Variants in TMEM123 observed in about 807,000 individuals in gnomAD.
The protein encoded by TMEM123 is porimin.
A neutral mutation model predicts 19.7 loss-of-function variants in TMEM123; 16 were observed. The observed-to-expected ratio is 0.81, with a 90% CI of 0.55 to 1.23. The LOEUF is 1.23. TMEM123 is among the 50% of genes most tolerant of loss of function. The pLI is 0.00. For synonymous variants in TMEM123, 118 were observed against 99.4 expected (o/e 1.19, Z -1.12); for missense variants, 313 against 257.8 (o/e 1.21, Z -1.47).
intron 2 of TMEM123, among the ~76,000 whole-genome samples, chr11:102,406,824 T>C (rs556761378): frequency 6.6e-6 from 1 of 150,442 alleles, no homozygotes; most frequent in East Asian, 2.0e-4. Flanking sequence ...TGAGCTGAGA[T>C]TGCGCCACTG....
At chr11:102,445,443 A>C (rs191032368) in intron 2 of TMEM123, among the ~76,000 whole-genome samples, 25 of 152,356 alleles carry the variant, frequency 1.6e-4, no homozygotes, top group Non-Finnish European at 3.1e-4. Context: ...CAACTAAAGC[A>C]ACCTGTCAGG....
chr11:102,450,147 T>C (rs1857923612), intron 1 of TMEM123, among the ~76,000 whole-genome samples: 1 of 152,198 alleles, frequency 6.6e-6, no homozygotes, highest in Non-Finnish European at 1.5e-5. Context: ...TTATCTCCAT[T>C]GCCACTCACC....
chr11:102,413,237 A>G (rs1250036934), intron 2 of TMEM123, among the ~76,000 whole-genome samples: 1 of 152,250 alleles, frequency 6.6e-6, no homozygotes, highest in Non-Finnish European at 1.5e-5. Context: ...TGAGACTTAT[A>G]CTTCAGAAGT....
intron 2 of TMEM123, among the ~76,000 whole-genome samples, chr11:102,407,611 A>G (rs552862040): frequency 1.3e-5 from 2 of 152,352 alleles, no homozygotes; most frequent in African/African-American, 4.8e-5. Flanking sequence ...TGACCTTATT[A>G]AAAGTGAAAA....
chr11:102,436,901 G>A (rs1857768630), intron 2 of TMEM123, among the ~76,000 whole-genome samples: 1 of 152,228 alleles, frequency 6.6e-6, no homozygotes, highest in Admixed American at 6.5e-5. Context: ...TGAACCCACT[G>A]TGAGCCAGAT....
intron 2 of TMEM123, among the ~76,000 whole-genome samples, chr11:102,432,282 G>C (rs754556474): frequency 6.6e-6 from 1 of 152,212 alleles, no homozygotes; most frequent in Non-Finnish European, 1.5e-5. Context: ...GAACTTCCTA[G>C]AGACTTGTTG....
chr11:102,440,755 T>G (rs893059898), intron 2 of TMEM123, among the ~76,000 whole-genome samples: 1 of 152,102 alleles, frequency 6.6e-6, no homozygotes. Flanking sequence ...GACTGGCAAA[T>G]TGGATAAAGA....
chr11:102,428,321 A>C (rs1266595494), intron 2 of TMEM123, among the ~76,000 whole-genome samples: 1 of 152,040 alleles, frequency 6.6e-6, no homozygotes, highest in East Asian at 1.9e-4. Context: ...TATTTTTTTG[A>C]GATGGAGTCT....
chr11:102,412,548 A>C (rs1952014135), intron 2 of TMEM123, among the ~76,000 whole-genome samples: 1 of 152,218 alleles, frequency 6.6e-6, no homozygotes, highest in Admixed American at 6.5e-5. Flanking sequence ...AAAGTATTGA[A>C]AGTAAGAGTA....
At chr11:102,449,498 A>G (rs1857917091) in intron 1 of TMEM123, 1 of 152,230 alleles carries the variant, frequency 6.6e-6, no homozygotes, top group Non-Finnish European at 1.5e-5. Flanking sequence ...ACACATAGGG[A>G]GAGAGCAAGT....
intron 2 of TMEM123, among the ~76,000 whole-genome samples, chr11:102,426,394 G>T (rs570414938): frequency 4.9e-4 from 75 of 151,772 alleles, no homozygotes; most frequent in African/African-American, 1.7e-3. Context: ...GAAGGGAGCC[G>T]ATGCAGACAG....
chr11:102,414,375 C>A (rs1186848265), intron 2 of TMEM123, among the ~76,000 whole-genome samples: 1 of 152,098 alleles, frequency 6.6e-6, no homozygotes, highest in Non-Finnish European at 1.5e-5. Flanking sequence ...CCATACAAGA[C>A]AACCATCCCC....
chr11:102,402,707 G>A (rs1395870422), intron 2 of TMEM123, among the ~76,000 whole-genome samples: 1 of 152,350 alleles, frequency 6.6e-6, no homozygotes, highest in Middle Eastern at 3.4e-3. Context: ...AAGTCCAAGT[G>A]AGTTATTTTT....
Position 102,397,414 on chromosome 11 carries a change from G to T in TMEM123, c.*1453C>A, listed in dbSNP as rs1591551087. 1 of 152,134 alleles carries T rather than the reference G, an allele frequency of 6.6e-6. No individual in the cohort carries two copies. The highest frequency in any genetic ancestry group is 1.5e-5 in the Non-Finnish European group (1 of 68,008). 9.4% of individuals were successfully genotyped at this position (152,134 alleles called of 1,614,324 possible). A position where few individuals can be genotyped will look rare whatever the true frequency, so the allele number is the denominator to read the frequency against. On this transcript the variant is annotated 3_prime_UTR_variant, in exon 5 of 5. Coordinates refer to ENST00000398136, the MANE Select transcript of TMEM123 (RefSeq NM_052932.3). ...CCTCTGAGATAGAAATGCCATCTTA[G>T]TATTTACTGTGACTACATACCTCTT... is the stretch of plus-strand genomic sequence containing the variant.
intron 2 of TMEM123, among the ~76,000 whole-genome samples, chr11:102,403,096 C>G (rs998538466): frequency 1.3e-5 from 2 of 151,906 alleles, no homozygotes; most frequent in Non-Finnish European, 1.5e-5. Flanking sequence ...ATGCAACCTC[C>G]GCCTCCTGGG....
chr11:102,431,483 G>T (rs1158906653), intron 2 of TMEM123, among the ~76,000 whole-genome samples: 1 of 152,092 alleles, frequency 6.6e-6, no homozygotes, highest in Non-Finnish European at 1.5e-5. Flanking sequence ...AATAGAACTA[G>T]AAAAAAGAAA....
At chr11:102,409,770 C>T (rs1274674101) in intron 2 of TMEM123, among the ~76,000 whole-genome samples, 1 of 151,884 alleles carries the variant, frequency 6.6e-6, no homozygotes, top group Non-Finnish European at 1.5e-5. Flanking sequence ...GAGGCTGAGG[C>T]AGGAGAATTG....
intron 2 of TMEM123, among the ~76,000 whole-genome samples, chr11:102,428,358 G>A (rs916571259): frequency 4.6e-5 from 7 of 151,942 alleles, no homozygotes; most frequent in Admixed American, 2.0e-4. Context: ...CTGGAGTACA[G>A]TGGCACAATC....
At chr11:102,435,624 C>T (rs1857754939) in intron 2 of TMEM123, among the ~76,000 whole-genome samples, 1 of 151,870 alleles carries the variant, frequency 6.6e-6, no homozygotes, top group Non-Finnish European at 1.5e-5. Flanking sequence ...AAAGTGTTTA[C>T]ACAAATATTC....
Sources: gnomAD v4.1 joint callset for allele counts (sites outside exome capture counted in the v4.1 genomes callset) on GRCh38, gnomAD v4.1.1 for gene constraint, MANE v1.5 for transcripts, NCBI Gene and HGNC (gene_info 2026-07-23, HGNC 2026-07-21) for gene names.